COL8A1: variants seen among roughly 807,000 people sequenced by gnomAD.
The protein encoded by COL8A1 is collagen alpha-1(VIII) chain.
Under a neutral mutation model 42.7 loss-of-function variants are expected in COL8A1, and 21 were observed. The ratio of observed to expected loss-of-function variants is 0.49; its 90% CI spans 0.35 to 0.71. COL8A1 has a LOEUF of 0.71. COL8A1 is among the 30% of genes least tolerant of loss of function. COL8A1 has a pLI of 0.01. For synonymous variants in COL8A1, 367 were observed against 369.1 expected (o/e 0.99, Z 0.06); for missense variants, 788 against 962.4 (o/e 0.82, Z 2.40).
chr3:99,665,430 C>A (rs1167940024), intron 1 of COL8A1, among the ~76,000 whole-genome samples: 1 of 152,128 alleles, frequency 6.6e-6, no homozygotes, highest in Non-Finnish European at 1.5e-5. Flanking sequence ...CTTCTGGGGT[C>A]TCTTAGTACA....
chr3:99,712,376 A>G (rs1183980894), intron 1 of COL8A1, among the ~76,000 whole-genome samples: 1 of 152,130 alleles, frequency 6.6e-6, no homozygotes, highest in Non-Finnish European at 1.5e-5. Flanking sequence ...AATTGAGGGG[A>G]AAACCGCTTG....
intron 1 of COL8A1, among the ~76,000 whole-genome samples, chr3:99,724,558 A>G (rs1452742833): frequency 1.3e-5 from 2 of 152,024 alleles, no homozygotes; most frequent in Admixed American, 1.3e-4. Flanking sequence ...AGGGAACAGA[A>G]CTCATTTTTA....
intron 1 of COL8A1, among the ~76,000 whole-genome samples, chr3:99,642,492 G>A (rs907965454): frequency 2.6e-5 from 4 of 152,184 alleles, no homozygotes; most frequent in Admixed American, 2.6e-4. Flanking sequence ...CTCAATGTAG[G>A]ATAAGAGCAA....
chr3:99,716,455 T>C (rs967748420), intron 1 of COL8A1, among the ~76,000 whole-genome samples: 7 of 152,052 alleles, frequency 4.6e-5, no homozygotes, highest in Non-Finnish European at 7.4e-5. Context: ...CTGAAGATAA[T>C]ACATAGATTC....
intron 1 of COL8A1, among the ~76,000 whole-genome samples, chr3:99,709,446 T>C (rs1044288097): frequency 6.6e-6 from 1 of 152,154 alleles, no homozygotes; most frequent in Admixed American, 6.5e-5. Flanking sequence ...TACAGGGACA[T>C]AGTTGGGTTT....
At chr3:99,685,605 C>G (rs532501412) in intron 1 of COL8A1, 2 of 152,204 alleles carry the variant, frequency 1.3e-5, no homozygotes, top group African/African-American at 4.8e-5. Context: ...ATTAATTCTC[C>G]TATGTTGGTT....
chr3:99,711,433 AC>A (rs561590726), intron 1 of COL8A1, among the ~76,000 whole-genome samples: 2 of 152,090 alleles, frequency 1.3e-5, no homozygotes, highest in Non-Finnish European at 2.9e-5. Flanking sequence ...TCTTCTCAAA[AC>A]CCATTCTCGC....
chr3:99,700,614 ACTC>A (rs758055878), intron 1 of COL8A1, among the ~76,000 whole-genome samples: 39 of 150,942 alleles, frequency 2.6e-4, no homozygotes, highest in Admixed American at 1.2e-3. Context: ...CAGAAAGAAA[ACTC>A]CTAATTCTGC....
chr3:99,681,908 T>C (rs1421996711), intron 1 of COL8A1, among the ~76,000 whole-genome samples: 3 of 152,184 alleles, frequency 2.0e-5, no homozygotes, highest in Non-Finnish European at 4.4e-5. Context: ...AGAGTCACCA[T>C]ATGGCTAGCA....
rs1370853961 is a variant in COL8A1 at position 99,795,461 on chromosome 3, GCCGGGCCTCCCAGGGCCC to G, written c.1563_1580del (p.Leu523_Gly528del). ...CTGGGATTCCAGGCCCCAAAGGGGA[GCCGGGCCTCCCAGGGCCC>G]CCTGGGTTCCCTGGTATAGGGAAAC... On this transcript the variant is annotated inframe_deletion, in exon 4 of 4. Transcript: ENST00000652472. 6.6e-7 allele frequency: 1 copy of G among 1,525,272 alleles called. No individual in the cohort carries two copies. The highest frequency in any genetic ancestry group is 8.8e-7 in the Non-Finnish European group (1 of 1,134,588). The allele number at this position is 1,525,272 out of a possible 1,614,324, so 94.5% of individuals were successfully genotyped here. A position where few individuals can be genotyped will look rare whatever the true frequency, so the allele number is the denominator to read the frequency against.
chr3:99,657,377 G>C (rs542407393), intron 1 of COL8A1, among the ~76,000 whole-genome samples: 1 of 152,094 alleles, frequency 6.6e-6, no homozygotes, highest in East Asian at 1.9e-4. Context: ...GTTGTTTCTT[G>C]GTTTTGATTC....
intron 2 of COL8A1, among the ~76,000 whole-genome samples, chr3:99,785,044 A>G (rs1941866025): frequency 6.6e-6 from 1 of 152,196 alleles, no homozygotes; most frequent in African/African-American, 2.4e-5. Flanking sequence ...TTTTCTCAAC[A>G]TGCCCTCCCT....
At chr3:99,678,401 A>T (rs985656682) in intron 1 of COL8A1, 2 of 152,146 alleles carry the variant, frequency 1.3e-5, no homozygotes, top group African/African-American at 4.8e-5. Flanking sequence ...TCCTTGGCCC[A>T]GAGAAGACTT....
Position 99,794,217 on chromosome 3 carries a change from C to G in COL8A1, c.329-13C>G. The G allele has an allele frequency of 6.5e-7, 1 of 1,528,110 alleles. No homozygotes were observed. 94.7% of individuals were successfully genotyped at this position (1,528,110 alleles called of 1,614,324 possible). ...TCCCCCCATACCCCTTCTCTCTCTTCTCTTCCCAGTAGAAATACCATTAGC... is the reference window on the plus strand; with the variant it reads ...TCCCCCCATACCCCTTCTCTCTCTTGTCTTCCCAGTAGAAATACCATTAGC... On this transcript the variant is annotated splice_polypyrimidine_tract_variant and intron_variant, in intron 3 of 3. Transcript: ENST00000652472. This position sits in a 1 kb window ranked among gnomAD's most constrained non-coding sequence, Gnocchi z 4.3.
intron 2 of COL8A1, among the ~76,000 whole-genome samples, chr3:99,752,689 C>T (rs1454861518): frequency 6.7e-6 from 1 of 150,338 alleles, no homozygotes; most frequent in Non-Finnish European, 1.5e-5. Context: ...ACGCCCCCCA[C>T]ATGCCCCCCC....
intron 2 of COL8A1, among the ~76,000 whole-genome samples, chr3:99,779,330 A>G (rs372230075): frequency 4.6e-5 from 7 of 152,348 alleles, no homozygotes; most frequent in East Asian, 3.9e-4. Flanking sequence ...AACAGCATGG[A>G]AAGATAAAGC....
chr3:99,691,659 C>G (rs1939221994), intron 1 of COL8A1: 1 of 145,690 alleles, frequency 6.9e-6, no homozygotes, highest in East Asian at 2.1e-4. Flanking sequence ...CCTCATGGGG[C>G]TTCATTCTAA....
intron 1 of COL8A1, among the ~76,000 whole-genome samples, chr3:99,701,025 A>G (rs1610264): frequency 0.062 from 9,506 of 152,222 alleles, 461 homozygotes; most frequent in East Asian, 0.15. Context: ...GTTGTTTACA[A>G]CATGAAAAGC....
At chr3:99,650,965 T>A (rs929157616) in intron 1 of COL8A1, among the ~76,000 whole-genome samples, 2 of 152,210 alleles carry the variant, frequency 1.3e-5, no homozygotes, top group Non-Finnish European at 2.9e-5. Context: ...AAATGTCATG[T>A]TCAATGCATT....
Sources: allele counts gnomAD v4.1 joint callset (sites outside exome capture counted in the v4.1 genomes callset), GRCh38; gene constraint gnomAD v4.1.1; non-coding constraint Gnocchi (gnomAD v3.1); transcripts MANE v1.5; gene names NCBI Gene and HGNC (gene_info 2026-07-23, HGNC 2026-07-21).